The following TENM3 variants were observed in gnomAD, a reference collection of about 807,000 sequenced individuals.
The protein encoded by TENM3 is teneurin-3.
TENM3 carries 63 observed loss-of-function variants against 255.1 expected under a neutral mutation model. That is an observed-to-expected ratio of 0.25 (90% confidence interval 0.20 to 0.30). The LOEUF (loss-of-function observed/expected upper bound fraction) is 0.30. TENM3 is among the 10% of genes least tolerant of loss of function. The probability of loss-of-function intolerance (pLI) is 1.00; values close to 1 mark genes in which losing one functional copy is unlikely to be tolerated. For missense variants in TENM3, 2,929 were observed against 3,461.1 expected (o/e 0.85, Z 3.86); for synonymous variants, 1,306 against 1,322.3 (o/e 0.99, Z 0.27).
intron 22 of TENM3, among the ~76,000 whole-genome samples, chr4:182,762,157 C>G (rs749594158): frequency 6.6e-6 from 1 of 152,214 alleles, no homozygotes; most frequent in Non-Finnish European, 1.5e-5. Flanking sequence ...CTCAGTTCAT[C>G]GGCTGTGTCC....
chr4:181,485,146 G>T, the TENM3 span, among the ~76,000 whole-genome samples: 1 of 152,122 alleles, frequency 6.6e-6, no homozygotes, highest in Non-Finnish European at 1.5e-5. Flanking sequence ...GTCAATCATT[G>T]ACAGTGATTT....
At chr4:182,697,049 A>G (rs1165323629) in intron 12 of TENM3, among the ~76,000 whole-genome samples, 2 of 152,144 alleles carry the variant, frequency 1.3e-5, no homozygotes, top group African/African-American at 4.8e-5. Flanking sequence ...AGAGTATTAA[A>G]TGGGTCAGGT....
chr4:182,305,335 TA>T (rs1454702576), intron 1 of TENM3, among the ~76,000 whole-genome samples: 2 of 152,370 alleles, frequency 1.3e-5, no homozygotes, highest in Admixed American at 1.3e-4. Flanking sequence ...ACTGTAAAAC[TA>T]ATTGCATTAT....
chr4:181,819,256 GC>G, the TENM3 span, among the ~76,000 whole-genome samples: 2 of 150,660 alleles, frequency 1.3e-5, no homozygotes, highest in Non-Finnish European at 3.0e-5. Flanking sequence ...AAGTTTTTTT[GC>G]CCCCCCAATC....
the TENM3 span, among the ~76,000 whole-genome samples, chr4:181,889,144 G>A: frequency 0.044 from 6,680 of 152,164 alleles, 185 homozygotes; most frequent in Non-Finnish European, 0.062. Context: ...ACAATGAAGC[G>A]TAATGCCCAG....
the TENM3 span, among the ~76,000 whole-genome samples, chr4:181,726,803 A>G: frequency 6.6e-6 from 1 of 152,146 alleles, no homozygotes; most frequent in Non-Finnish European, 1.5e-5. Context: ...CAAATTTCTG[A>G]TGACAACAGC....
chr4:181,930,215 A>C, the TENM3 span, among the ~76,000 whole-genome samples: 6 of 152,206 alleles, frequency 3.9e-5, no homozygotes, highest in African/African-American at 1.4e-4. Flanking sequence ...TCAAAAAACC[A>C]ATGAATCCAG....
intron 13 of TENM3, among the ~76,000 whole-genome samples, chr4:182,725,493 T>G (rs1760089643): frequency 6.6e-6 from 1 of 152,134 alleles, no homozygotes; most frequent in Admixed American, 6.5e-5. Context: ...AATAGCATAG[T>G]ATAGTCTTTC....
intron 3 of TENM3, among the ~76,000 whole-genome samples, chr4:182,467,718 C>A (rs1732730513): frequency 6.6e-6 from 1 of 152,132 alleles, no homozygotes; most frequent in African/African-American, 2.4e-5. Flanking sequence ...CTTTGGGTCA[C>A]CCCTGCCAGT....
the TENM3 span, among the ~76,000 whole-genome samples, chr4:182,092,089 C>T: frequency 2.6e-5 from 4 of 152,112 alleles, no homozygotes; most frequent in Non-Finnish European, 5.9e-5. Flanking sequence ...CCTGTAATCC[C>T]AACACTTTGG....
chr4:182,361,238 C>T (rs1765953503), intron 3 of TENM3, among the ~76,000 whole-genome samples: 1 of 152,070 alleles, frequency 6.6e-6, no homozygotes, highest in South Asian at 2.1e-4. Context: ...TTGTGGCGTT[C>T]TCTGTATTTC....
chr4:181,603,305 T>G, the TENM3 span, among the ~76,000 whole-genome samples: 1 of 152,256 alleles, frequency 6.6e-6, no homozygotes, highest in African/African-American at 2.4e-5. Flanking sequence ...AATAGGGCAA[T>G]AATTTTATTG....
At chr4:181,518,649 G>A in the TENM3 span, among the ~76,000 whole-genome samples, 5 of 152,024 alleles carry the variant, frequency 3.3e-5, no homozygotes, top group Non-Finnish European at 7.4e-5. Flanking sequence ...GGCTGGTCTC[G>A]AACTCCTGAC....
chr4:182,050,579 G>A, the TENM3 span, among the ~76,000 whole-genome samples: 4 of 152,254 alleles, frequency 2.6e-5, no homozygotes, highest in East Asian at 3.9e-4. Context: ...CAAGGCAGAC[G>A]GATTGCTTGA....
rs34463107 is a variant in TENM3, at chr4:182,427,947, C to CTT, written c.511+81031_511+81032dup. 2.7e-3 allele frequency among the ~76,000 whole-genome samples: 386 copies of CTT among 142,908 alleles called. 6 individuals are homozygous for CTT. In the East Asian group the frequency reaches 0.031, roughly 12 times the overall value. The allele number at this position is 142,908 out of a possible 152,430, so 93.8% of individuals were successfully genotyped here. A position where few individuals can be genotyped will look rare whatever the true frequency, so the allele number is the denominator to read the frequency against. ...CCCAAAACCCTATCCAGCACTGTCA[C>CTT]TTTTTTTTTTTTTTGCCAACTTGCT... On this transcript the variant is annotated intron_variant, in intron 3 of 27. Transcript: ENST00000511685.
intron 3 of TENM3, among the ~76,000 whole-genome samples, chr4:182,479,127 TA>T (rs1220458222): frequency 1.5e-5 from 1 of 66,136 alleles, no homozygotes; most frequent in Non-Finnish European, 4.5e-5. Context: ...CTTAACAATA[TA>T]GTTAAGTGTT....
intron 3 of TENM3, among the ~76,000 whole-genome samples, chr4:182,400,324 G>A (rs891874005): frequency 1.3e-5 from 2 of 152,086 alleles, no homozygotes; most frequent in Non-Finnish European, 2.9e-5. Flanking sequence ...TTTGGCTGAG[G>A]GTTTGGAATG....
the TENM3 span, among the ~76,000 whole-genome samples, chr4:181,783,737 A>G: frequency 7.4e-4 from 112 of 152,310 alleles, no homozygotes; most frequent in African/African-American, 2.7e-3. Flanking sequence ...TCTGTTGTCC[A>G]GGCGAGAGTG....
intron 5 of TENM3, among the ~76,000 whole-genome samples, chr4:182,635,643 G>A (rs975715423): frequency 2.6e-5 from 4 of 152,144 alleles, no homozygotes; most frequent in Non-Finnish European, 4.4e-5. Flanking sequence ...AAATACATAT[G>A]TAGTTATTTA....
Sources: allele counts gnomAD v4.1 joint callset (sites outside exome capture counted in the v4.1 genomes callset), GRCh38; gene constraint gnomAD v4.1.1; transcripts MANE v1.5; gene names NCBI Gene and HGNC (gene_info 2026-07-23, HGNC 2026-07-21).